HS3ST3B1: variants seen among roughly 807,000 people sequenced by gnomAD.
The protein encoded by HS3ST3B1 is heparan sulfate-glucosamine 3-sulfotransferase 3B1, also known as heparan sulfate glucosamine 3-O-sulfotransferase 3B1.
Under a neutral mutation model 21.3 loss-of-function variants are expected in HS3ST3B1, and 13 were observed. The ratio of observed to expected loss-of-function variants is 0.61; its 90% CI spans 0.40 to 0.97. The LOEUF is 0.97. Among genes scored for constraint, HS3ST3B1 ranks in the 50% least tolerant of loss-of-function variants. HS3ST3B1 has a pLI of 0.00. For synonymous variants in HS3ST3B1, 234 were observed against 254.8 expected (o/e 0.92, Z 0.78); for missense variants, 459 against 554.8 (o/e 0.83, Z 1.73).
chr17:14,327,032 A>G (rs1010125914), intron 1 of HS3ST3B1, among the ~76,000 whole-genome samples: 22 of 151,906 alleles, frequency 1.4e-4, no homozygotes, highest in Non-Finnish European at 7.4e-5. Flanking sequence ...TCAAGTGTAT[A>G]ATATCTCTTG....
At chr17:14,328,718 C>T (rs1909891294) in intron 1 of HS3ST3B1, 1 of 152,108 alleles carries the variant, frequency 6.6e-6, no homozygotes, top group Non-Finnish European at 1.5e-5. Context: ...GCTTCTTTTC[C>T]ACCTGGCAAG....
intron 1 of HS3ST3B1, among the ~76,000 whole-genome samples, chr17:14,306,118 T>G (rs573094607): frequency 6.6e-6 from 1 of 152,300 alleles, no homozygotes; most frequent in Admixed American, 6.5e-5. Context: ...TGACATGCCT[T>G]TAGTGGTCTC....
chr17:14,310,736 G>A (rs1428468093), intron 1 of HS3ST3B1, among the ~76,000 whole-genome samples: 1 of 152,176 alleles, frequency 6.6e-6, no homozygotes, highest in Non-Finnish European at 1.5e-5. Context: ...CTCTTGGCTG[G>A]ATCCAGCCCT....
At chr17:14,316,844 A>C (rs906632280) in intron 1 of HS3ST3B1, among the ~76,000 whole-genome samples, 2 of 152,250 alleles carry the variant, frequency 1.3e-5, no homozygotes, top group Non-Finnish European at 2.9e-5. Flanking sequence ...CTTTTAACAG[A>C]GAGAGATGGG....
chr17:14,336,802 T>A (rs1385528062), intron 1 of HS3ST3B1, among the ~76,000 whole-genome samples: 2 of 152,236 alleles, frequency 1.3e-5, no homozygotes, highest in African/African-American at 2.4e-5. Flanking sequence ...TTCTTTTAAA[T>A]GAGAACTTAG....
Position 14,345,492 on chromosome 17 carries a change from C to CCT in HS3ST3B1, c.1019_1020insCT (p.Glu341TrpfsTer43). The stretch of plus-strand genomic sequence containing the variant: ...AAGGGCTTCCCCTGCCTGAAGAAGG[C>CCT]GGAGGGCAGCAGCCGGCCCCATTGC... On this transcript the variant is annotated frameshift_variant, in exon 2 of 2. Coordinates refer to ENST00000360954, the MANE Select transcript of HS3ST3B1 (RefSeq NM_006041.3). LOFTEE classifies it high-confidence loss of function. The CCT allele has an allele frequency of 6.4e-7, 1 of 1,564,424 alleles. No homozygotes were observed. The highest frequency in any genetic ancestry group is 8.8e-7 in the Non-Finnish European group (1 of 1,139,776).
At chr17:14,309,957 C>T (rs771520223) in intron 1 of HS3ST3B1, among the ~76,000 whole-genome samples, 4 of 152,178 alleles carry the variant, frequency 2.6e-5, no homozygotes, top group South Asian at 4.1e-4. Flanking sequence ...CAATTTGCAA[C>T]GAGCACGTTT....
intron 1 of HS3ST3B1, among the ~76,000 whole-genome samples, chr17:14,313,132 GTGTA>G (rs1350804687): frequency 2.0e-5 from 2 of 100,696 alleles, no homozygotes; most frequent in African/African-American, 9.7e-5. Flanking sequence ...ATGTGTGTGT[GTGTA>G]TATATATATT....
intron 1 of HS3ST3B1, among the ~76,000 whole-genome samples, chr17:14,325,466 C>T (rs1467137322): frequency 1.3e-5 from 2 of 152,138 alleles, no homozygotes; most frequent in African/African-American, 4.8e-5. Flanking sequence ...AGAAAAAAGT[C>T]CAGAGAACTC....
chr17:14,304,818 G>A (rs1253175960), intron 1 of HS3ST3B1: 2 of 152,208 alleles, frequency 1.3e-5, no homozygotes, highest in Non-Finnish European at 2.9e-5. Flanking sequence ...CATTTTGAAG[G>A]CATTAAGAAC....
At chr17:14,312,373 C>T (rs1368211158) in intron 1 of HS3ST3B1, among the ~76,000 whole-genome samples, 1 of 152,198 alleles carries the variant, frequency 6.6e-6, no homozygotes. Flanking sequence ...AAATTCAATG[C>T]CGTGTTCCTT....
Position 14,345,436 on chromosome 17 carries a change from C to T in HS3ST3B1, c.963C>T (p.Ile321=). 1 of 1,360,570 alleles carries T rather than the reference C, an allele frequency of 7.3e-7. No individual in the cohort carries two copies. Among genetic ancestry groups the T allele is most frequent in the East Asian group, 2.4e-5 (1 of 42,082 alleles). The allele number at this position is 1,360,570 out of a possible 1,614,324, so 84.3% of individuals were successfully genotyped here. The part of the protein sequence containing the change: ...VQDFLGLKRI[I]TDKHFYFNKT... ...ACTTCCTGGGCCTCAAGAGGATCAT[C>T]ACGGACAAGCACTTCTACTTCAACA... The change falls in exon 2 of 2, where the codon ATC becomes ATT. Residue 321 remains isoleucine (I), a synonymous_variant. Transcript: ENST00000360954.
intron 1 of HS3ST3B1, among the ~76,000 whole-genome samples, chr17:14,333,207 C>G (rs1910075750): frequency 6.6e-6 from 1 of 152,082 alleles, no homozygotes; most frequent in African/African-American, 2.4e-5. Context: ...GTGGCTCATG[C>G]CTGTAATCCC....
chr17:14,301,469 A>C lies in HS3ST3B1; in HGVS notation c.-50A>C. On this transcript the variant is annotated 5_prime_UTR_variant, in exon 1 of 2. Transcript: ENST00000360954. The stretch of plus-strand genomic sequence containing the variant: ...CTCTCTGCGCTCACTGCCCGGCGGG[A>C]CCCACGCCATGTGCTGAGCCATGTC... 7.2e-7 allele frequency: 1 copy of C among 1,385,964 alleles called. No homozygotes were observed. Among genetic ancestry groups the C allele is most frequent in the Non-Finnish European group, 9.3e-7 (1 of 1,070,216 alleles). The allele number at this position is 1,385,964 out of a possible 1,614,324, so 85.9% of individuals were successfully genotyped here.
At chr17:14,320,057 C>T (rs72818697) in intron 1 of HS3ST3B1, among the ~76,000 whole-genome samples, 6,577 of 152,068 alleles carry the variant, frequency 0.043, 211 homozygotes, top group East Asian at 0.13. Flanking sequence ...TGATGTGAGA[C>T]GCCAGCGTGT....
intron 1 of HS3ST3B1, among the ~76,000 whole-genome samples, chr17:14,311,881 G>C (rs149410061): frequency 2.0e-5 from 3 of 152,188 alleles, no homozygotes; most frequent in African/African-American, 7.2e-5. Flanking sequence ...GGCTCGAGGA[G>C]ATCTGTAGGC....
chr17:14,332,545 G>T (rs1021824106), intron 1 of HS3ST3B1, among the ~76,000 whole-genome samples: 22 of 152,172 alleles, frequency 1.4e-4, no homozygotes, highest in Middle Eastern at 3.4e-3. Flanking sequence ...GGTCACCTGA[G>T]TAGGTGGAAT....
chr17:14,318,869 A>C (rs1329650437), intron 1 of HS3ST3B1, among the ~76,000 whole-genome samples: 2 of 152,220 alleles, frequency 1.3e-5, no homozygotes, highest in Non-Finnish European at 2.9e-5. Flanking sequence ...CTGCGAAAAG[A>C]GCATTTGCCA....
At chr17:14,325,904 T>G (rs759030899) in intron 1 of HS3ST3B1, among the ~76,000 whole-genome samples, 9 of 152,200 alleles carry the variant, frequency 5.9e-5, no homozygotes, top group Non-Finnish European at 1.3e-4. Context: ...TGTTTACTCT[T>G]CCTTTATCTA....
Sources: gnomAD v4.1 joint callset for allele counts (sites outside exome capture counted in the v4.1 genomes callset) on GRCh38, gnomAD v4.1.1 for gene constraint, MANE v1.5 for transcripts, NCBI Gene and HGNC (gene_info 2026-07-23, HGNC 2026-07-21) for gene names.